Variants in RNF146 observed in about 807,000 individuals in gnomAD.
The protein encoded by RNF146 is E3 ubiquitin-protein ligase RNF146.
A neutral mutation model predicts 29.7 loss-of-function variants in RNF146; 11 were observed. The ratio of observed to expected loss-of-function variants is 0.37; its 90% CI spans 0.23 to 0.61. RNF146 has a LOEUF of 0.61. RNF146 is among the 20% of genes least tolerant of loss of function. RNF146 has a pLI of 0.66. For synonymous variants in RNF146, 150 were observed against 159.7 expected, an observed-to-expected ratio of 0.94 and a Z score of 0.46; for missense variants, 342 against 438.9, an observed-to-expected ratio of 0.78 and a Z score of 1.97.
chr6:127,280,064 T>A (rs1778734167), intron 1 of RNF146, among the ~76,000 whole-genome samples, 167 bp from the exon 2 acceptor site: 1 of 151,820 alleles, frequency 6.6e-6, no homozygotes, highest in Non-Finnish European at 1.5e-5. Flanking sequence ...TTTCCCTAAT[T>A]TGCTCTGCTA....
rs1317493078 is a variant in RNF146 at position 127,287,665 on chromosome 6, A to T, written c.1052A>T (p.Asp351Val). ...GTCAGTGTCAGATCTAGAAGGCCTG[A>T]TGGACAGTGCACAGTAACTGAAGTT... Reference protein sequence around the residue: ...VSVSVRSRRPDGQCTVTEV With the variant: ...VSVSVRSRRPVGQCTVTEV The change falls in exon 3 of 3, where the codon GAT becomes GTT. Residue 351 changes from aspartate (D) to valine (V), a missense_variant. Transcript: ENST00000368314. The T allele has an allele frequency of 6.2e-7, 1 of 1,602,236 alleles. No individual in the cohort carries two copies. The highest frequency in any genetic ancestry group is 8.5e-7 in the Non-Finnish European group (1 of 1,172,360).
chr6:127,266,901 GGTGGCCGCAGCT>G lies in RNF146; in HGVS notation c.-125_-114del, dbSNP rs1270820596. 6.6e-6 allele frequency: 1 copy of G among 152,252 alleles called. No homozygotes were observed. Among genetic ancestry groups the G allele is most frequent in the Non-Finnish European group, 1.5e-5 (1 of 67,998 alleles). The allele number at this position is 152,252 out of a possible 1,614,324, so 9.4% of individuals were successfully genotyped here. A position where few individuals can be genotyped will look rare whatever the true frequency, so the allele number is the denominator to read the frequency against. ...CGAGGCCAGAGAGAAAAGACTGCGA[GGTGGCCGCAGCT>G]GTGGCCGGAGAGGTGGGAGTCGGAG... On this transcript the variant is annotated 5_prime_UTR_variant, in exon 1 of 3. Coordinates refer to ENST00000368314, the MANE Select transcript of RNF146 (RefSeq NM_001242850.2).
Position 127,287,464 on chromosome 6 carries a change from C to A in RNF146, c.851C>A (p.Ser284Tyr), listed in dbSNP as rs374280311. The change falls in exon 3 of 3, where the codon TCC (serine) becomes TAC (tyrosine). Residue 284 changes from serine to tyrosine, a missense_variant. Around this residue, in one of 6 missense-constraint regions of RNF146, gnomAD observed 196 missense variants for 208.9 expected, o/e 0.94. Coordinates refer to ENST00000368314, the MANE Select transcript of RNF146 (RefSeq NM_001242850.2). Reference protein sequence around the residue: ...SSGRVPAPDTSIEETESDASS... With the variant: ...SSGRVPAPDTYIEETESDASS... The stretch of plus-strand genomic sequence containing the variant: ...GGCAGGGTACCAGCACCAGACACCT[C>A]CATTGAAGAAACTGAATCAGATGCC... 5 of 1,613,356 alleles carry A rather than the reference C, an allele frequency of 3.1e-6. No individual in the cohort carries two copies. Among genetic ancestry groups the A allele is most frequent in the Non-Finnish European group, 4.2e-6 (5 of 1,179,582 alleles).
intron 1 of RNF146, among the ~76,000 whole-genome samples, chr6:127,279,307 G>A (rs1318897251): frequency 1.6e-4 from 24 of 151,672 alleles, no homozygotes; most frequent in Admixed American, 1.6e-3. Flanking sequence ...TATAGTATAC[G>A]GTAGAGGTCC....
At chr6:127,283,652 G>A (rs756429672) in intron 2 of RNF146, among the ~76,000 whole-genome samples, 1 of 151,702 alleles carries the variant, frequency 6.6e-6, no homozygotes, top group Admixed American at 6.6e-5. Flanking sequence ...CTTACTTATT[G>A]CATGTGCCTC....
chr6:127,276,885 TG>T (rs568267555), intron 1 of RNF146, among the ~76,000 whole-genome samples: 37 of 152,070 alleles, frequency 2.4e-4, no homozygotes, highest in Non-Finnish European at 4.6e-4. Flanking sequence ...GAGTACCACC[TG>T]GGGTGAGATT....
intron 1 of RNF146, among the ~76,000 whole-genome samples, chr6:127,276,094 G>A (rs1778167297): frequency 6.6e-6 from 1 of 152,014 alleles, no homozygotes; most frequent in Non-Finnish European, 1.5e-5. Context: ...GCAGTTTGAG[G>A]TTTTAGTGAG....
chr6:127,275,439 T>G (rs571336579), intron 1 of RNF146, among the ~76,000 whole-genome samples: 9 of 152,260 alleles, frequency 5.9e-5, no homozygotes, highest in African/African-American at 2.2e-4. Flanking sequence ...TCTAATCCTT[T>G]GATATTCTGT....
rs774705162 is a variant in RNF146, at chr6:127,286,701, CCTT to C, written c.92_94del (p.Ser31del). 11 of 1,613,360 alleles carry C rather than the reference CCTT, an allele frequency of 6.8e-6. No homozygotes were observed. The East Asian group carries it at 2.2e-4, about 33-fold the overall frequency. On this transcript the variant is annotated inframe_deletion, in exon 3 of 3. Coordinates refer to ENST00000368314, the MANE Select transcript of RNF146 (RefSeq NM_001242850.2). The surrounding 1 kb of genome is among the most constrained non-coding windows in gnomAD (Gnocchi z 4.6). Reference sequence around the variant, plus strand: ...GAACGAGTCCTGTTCTAATACTGCACCTTCTTTAACCGTCCCTGAATGTGCCAT... The same window carrying C: ...GAACGAGTCCTGTTCTAATACTGCACCTTTAACCGTCCCTGAATGTGCCAT...
intron 2 of RNF146, among the ~76,000 whole-genome samples, chr6:127,284,008 A>G (rs1374939894): frequency 1.3e-5 from 2 of 151,844 alleles, no homozygotes; most frequent in Non-Finnish European, 2.9e-5. Flanking sequence ...TGGTTTATTC[A>G]TAAATGCAAG....
Position 127,287,452 on chromosome 6 carries a change from C to T in RNF146, c.839C>T (p.Ala280Val). ...TCACCATCTTCAGGCAGGGTACCAG[C>T]ACCAGACACCTCCATTGAAGAAACT... The part of the protein sequence containing the change: ...HESPSSGRVP[A>V]PDTSIEETES... The change falls in exon 3 of 3, where the codon GCA (alanine) becomes GTA (valine). Residue 280 changes from alanine to valine, a missense_variant. Coordinates refer to ENST00000368314, the MANE Select transcript of RNF146 (RefSeq NM_001242850.2). 1 of 1,613,474 alleles carries T rather than the reference C, an allele frequency of 6.2e-7. No individual in the cohort carries two copies. Among genetic ancestry groups the T allele is most frequent in the Non-Finnish European group, 8.5e-7 (1 of 1,179,620 alleles).
intron 1 of RNF146, among the ~76,000 whole-genome samples, chr6:127,269,844 TTTTC>T (rs1212314436): frequency 4.6e-5 from 7 of 152,200 alleles, no homozygotes; most frequent in Admixed American, 1.3e-4. Flanking sequence ...TTCAAGTATT[TTTTC>T]TTTCTGTCAC....
chr6:127,267,432 G>A (rs1776803286), intron 1 of RNF146, among the ~76,000 whole-genome samples: 1 of 152,170 alleles, frequency 6.6e-6, no homozygotes, highest in Non-Finnish European at 1.5e-5. Flanking sequence ...GCCTCGAGGT[G>A]TAGGGGCGGC....
rs1267580548 is a variant in RNF146, at chr6:127,287,183, A to C, written c.570A>C (p.Val190=). The part of the protein sequence containing the change: ...GLRLDCDANT[V]NLARESSADG... ...GGCTAGACTGTGATGCTAATACCGT[A>C]AACCTAGCAAGAGAGAGCTCTGCTG... The change falls in exon 3 of 3, where the codon GTA becomes GTC. Residue 190 remains valine, a synonymous_variant. Transcript: ENST00000368314. 1 of 1,613,396 alleles carries C rather than the reference A, an allele frequency of 6.2e-7. No homozygotes were observed. The highest frequency in any genetic ancestry group is 8.5e-7 in the Non-Finnish European group (1 of 1,179,600).
intron 1 of RNF146, among the ~76,000 whole-genome samples, chr6:127,268,643 C>T (rs1278386575): frequency 6.6e-6 from 1 of 152,096 alleles, no homozygotes; most frequent in East Asian, 1.9e-4. Flanking sequence ...ATCATGTGGG[C>T]AGACTGGAAA....
chr6:127,270,554 A>G (rs377071277), intron 1 of RNF146, among the ~76,000 whole-genome samples: 23 of 152,344 alleles, frequency 1.5e-4, no homozygotes, highest in African/African-American at 5.3e-4. Flanking sequence ...GTTTCAAATA[A>G]TGTGGGAGTT....
chr6:127,270,741 C>T (rs145108883), intron 1 of RNF146, among the ~76,000 whole-genome samples: 180 of 151,982 alleles, frequency 1.2e-3, no homozygotes, highest in African/African-American at 4.2e-3. Flanking sequence ...GTTTCTTTCT[C>T]GTCCTCCTGA....
chr6:127,281,413 A>T (rs921873739), intron 2 of RNF146, among the ~76,000 whole-genome samples: 1 of 151,724 alleles, frequency 6.6e-6, no homozygotes, highest in Non-Finnish European at 1.5e-5. Flanking sequence ...AGTGGAATAG[A>T]TGCCATATTA....
chr6:127,274,510 G>T (rs1777924537), intron 1 of RNF146, among the ~76,000 whole-genome samples: 1 of 152,038 alleles, frequency 6.6e-6, no homozygotes, highest in Admixed American at 6.6e-5. Flanking sequence ...TTAGAAACAA[G>T]GACATTTTTT....
Sources: allele counts gnomAD v4.1 joint callset (sites outside exome capture counted in the v4.1 genomes callset), GRCh38; gene constraint gnomAD v4.1.1; regional missense constraint gnomAD v4.1.1; non-coding constraint Gnocchi (gnomAD v3.1); transcripts MANE v1.5; gene names NCBI Gene and HGNC (gene_info 2026-07-23, HGNC 2026-07-21).